The following ULK4 variants were observed in gnomAD, a reference collection of about 807,000 sequenced individuals.
ULK4 encodes the protein inactive serine/threonine-protein kinase ULK4.
Under a neutral mutation model 160.6 loss-of-function variants are expected in ULK4, and 133 were observed. That is an observed-to-expected ratio of 0.83 (90% CI 0.72 to 0.96). The LOEUF (loss-of-function observed/expected upper bound fraction) is 0.96. Ranked by LOEUF, ULK4 falls within the 40% of genes least tolerant of loss-of-function variation. ULK4 has a pLI of 0.00. For synonymous variants in ULK4, 534 were observed against 539.8 expected (o/e 0.99, Z 0.15); for missense variants, 1,580 against 1,499.5 (o/e 1.05, Z -0.89).
chr3:41,455,481 A>T lies in ULK4; in HGVS notation c.3492+16T>A. On this transcript the variant is annotated intron_variant, in intron 34 of 36. Coordinates refer to ENST00000301831, the MANE Select transcript of ULK4 (RefSeq NM_017886.4). ...ACTTCAGTAATGCCCCAAAAGACAT[A>T]CAGGTGAGCTCTTACCAGTGGAATG... is the stretch of plus-strand genomic sequence containing the variant. 1 of 1,609,134 alleles carries T rather than the reference A, an allele frequency of 6.2e-7. No individual in the cohort carries two copies. The highest frequency in any genetic ancestry group is 1.1e-5 in the South Asian group (1 of 90,386).
chr3:41,715,485 G>A lies in ULK4; in HGVS notation c.2539C>T (p.Pro847Ser). ...VQVKQLKLCLPLMPVVLHLVT... is the reference protein window; with the variant it reads ...VQVKQLKLCLSLMPVVLHLVT... The stretch of plus-strand genomic sequence containing the variant: ...AGGTGAAGCACTACAGGCATCAGGG[G>A]GAGACACAACTTCAGCTGTTTCACT... Residue 847 changes from proline to serine, a missense_variant, in exon 24 of 37, where the codon CCC becomes TCC. Coordinates refer to ENST00000301831, the MANE Select transcript of ULK4 (RefSeq NM_017886.4). 6.2e-7 allele frequency: 1 copy of A among 1,614,114 alleles called. No homozygotes were observed. Among genetic ancestry groups the A allele is most frequent in the Non-Finnish European group, 8.5e-7 (1 of 1,180,006 alleles).
chr3:41,594,668 A>G lies in ULK4; in HGVS notation c.3120+21001T>C, dbSNP rs150140702. 3.2e-3 allele frequency among the ~76,000 whole-genome samples: 494 copies of G among 152,338 alleles called. 1 individual carries two copies. Among genetic ancestry groups the G allele is most frequent in the African/African-American group, 0.011 (474 of 41,580 alleles). The stretch of plus-strand genomic sequence containing the variant: ...AGTGGTGCTTTATAGCCCCAGTTAG[A>G]GATTTGGATTTTCAATTGGATGTTA... On this transcript the variant is annotated intron_variant, in intron 31 of 36. Transcript: ENST00000301831.
intron 30 of ULK4, among the ~76,000 whole-genome samples, chr3:41,616,435 G>A (rs917275373): frequency 6.6e-6 from 1 of 152,118 alleles, no homozygotes; most frequent in Non-Finnish European, 1.5e-5. Context: ...ATTTCCAACT[G>A]AGGTACCCAG....
chr3:41,749,328 C>T (rs1373606390), intron 22 of ULK4, among the ~76,000 whole-genome samples: 1 of 151,992 alleles, frequency 6.6e-6, no homozygotes, highest in East Asian at 1.9e-4. Context: ...ACTAAAAATA[C>T]AAAAATTAGT....
At chr3:41,757,629 CAAAAAAAA>C (rs1197436719) in intron 21 of ULK4, among the ~76,000 whole-genome samples, 1 of 63,640 alleles carries the variant, frequency 1.6e-5, no homozygotes, top group South Asian at 5.8e-4. Flanking sequence ...GAGACTCTCT[CAAAAAAAA>C]AAAAAAAAAA....
intron 21 of ULK4, among the ~76,000 whole-genome samples, chr3:41,768,627 T>C (rs2039249050): frequency 6.6e-6 from 1 of 152,218 alleles, no homozygotes; most frequent in South Asian, 2.1e-4. Flanking sequence ...GTCATATGAA[T>C]GAGCCATCTG....
intron 32 of ULK4, among the ~76,000 whole-genome samples, chr3:41,482,277 A>G (rs928045256): frequency 2.0e-5 from 3 of 152,162 alleles, no homozygotes; most frequent in Admixed American, 6.5e-5. Context: ...TTCCCTTGGC[A>G]CTTCAGAAAA....
At chr3:41,566,309 TGAGCTGG>T (rs1251620312) in intron 31 of ULK4, among the ~76,000 whole-genome samples, 179 bp from the exon 32 acceptor site, 1 of 152,186 alleles carries the variant, frequency 6.6e-6, no homozygotes, top group Non-Finnish European at 1.5e-5. Context: ...GTGAGTTAAG[TGAGCTGG>T]GAGGGAGGGT....
chr3:41,931,815 T>C, intron 5 of ULK4, 29 bp downstream of exon 5: 1 of 1,612,272 alleles, frequency 6.2e-7, no homozygotes, highest in Non-Finnish European at 8.5e-7. Flanking sequence ...ACTAGAGTTA[T>C]GATCTTTAAG....
At chr3:41,498,554 T>TA (rs1343605772) in intron 32 of ULK4, among the ~76,000 whole-genome samples, 7 of 148,208 alleles carry the variant, frequency 4.7e-5, no homozygotes, top group Non-Finnish European at 7.4e-5. Context: ...AGACAAACAT[T>TA]AGAGAGCTTC....
chr3:41,423,296 T>G lies in ULK4; in HGVS notation c.3493-25032A>C, dbSNP rs974426649. Among the ~76,000 whole-genome samples, 4 of 152,152 alleles carry G rather than the reference T, an allele frequency of 2.6e-5. No homozygotes were observed. In the South Asian group the frequency reaches 8.3e-4, roughly 31 times the overall value. ...TTCTATATTGCTTGAATTGTTACAA[T>G]GTGCTTATGGTACGTTTTCTAATTC... On this transcript the variant is annotated intron_variant, in intron 34 of 36. Transcript: ENST00000301831.
At chr3:41,905,970 C>T (rs1336531811) in intron 12 of ULK4, among the ~76,000 whole-genome samples, 1 of 152,074 alleles carries the variant, frequency 6.6e-6, no homozygotes, top group African/African-American at 2.4e-5. Flanking sequence ...ATAATCCTAG[C>T]ACTTTGGGAG....
rs751583205 is a variant in ULK4 at position 41,950,873 on chromosome 3, G to A, written c.138+3749C>T. ...TAAAAGACATAAATAGGCTGGGCAC[G>A]GTGGCTCACACCTGTAATCCCAGCA... On this transcript the variant is annotated intron_variant, in intron 2 of 36. Coordinates refer to ENST00000301831, the MANE Select transcript of ULK4 (RefSeq NM_017886.4). Among the ~76,000 whole-genome samples the A allele has an allele frequency of 6.4e-4, 97 of 151,778 alleles. 1 individual carries two copies. Among genetic ancestry groups the A allele is most frequent in the Admixed American group, 5.4e-3 (82 of 15,214 alleles).
chr3:41,673,050 G>C (rs2035589729), intron 29 of ULK4, among the ~76,000 whole-genome samples: 1 of 151,868 alleles, frequency 6.6e-6, no homozygotes, highest in Admixed American at 6.6e-5. Flanking sequence ...ATGTTCCCCA[G>C]GCTGGTCTCA....
chr3:41,397,216 A>G (rs2082081573), intron 35 of ULK4, among the ~76,000 whole-genome samples: 1 of 152,180 alleles, frequency 6.6e-6, no homozygotes, highest in South Asian at 2.1e-4. Flanking sequence ...TACTGTAGAA[A>G]GAGAATAGGT....
In ULK4 at chr3:41,878,416, C is replaced by G. The variant is rs78701562; in HGVS notation, c.1656+5458G>C. 6.6e-3 allele frequency among the ~76,000 whole-genome samples: 999 copies of G among 152,198 alleles called. 9 individuals carry two copies. Among genetic ancestry groups the G allele is most frequent in the African/African-American group, 0.023 (965 of 41,534 alleles). ...AAGTTCTTAACAATATAAAATCAAT[C>G]TCACTAGACACGGAGATTTCTCAGG... On this transcript the variant is annotated intron_variant, in intron 17 of 36. Coordinates refer to ENST00000301831, the MANE Select transcript of ULK4 (RefSeq NM_017886.4).
chr3:41,303,568 A>T (rs1350213560), intron 35 of ULK4, among the ~76,000 whole-genome samples: 4 of 152,172 alleles, frequency 2.6e-5, no homozygotes, highest in African/African-American at 9.7e-5. Flanking sequence ...TCAACTTTTG[A>T]TTATTCACAA....
chr3:41,894,563 C>T (rs1698086912), intron 16 of ULK4, among the ~76,000 whole-genome samples: 2 of 152,140 alleles, frequency 1.3e-5, no homozygotes, highest in Admixed American at 1.3e-4. Flanking sequence ...CTTCTACAAC[C>T]CCAACCCCAT....
chr3:41,254,050 G>A (rs2078787231), intron 35 of ULK4, among the ~76,000 whole-genome samples: 1 of 152,166 alleles, frequency 6.6e-6, no homozygotes, highest in African/African-American at 2.4e-5. Flanking sequence ...ATCGTAGTTG[G>A]AGATTTCAAA....
Sources: gnomAD v4.1 joint callset for allele counts (sites outside exome capture counted in the v4.1 genomes callset) on GRCh38, gnomAD v4.1.1 for gene constraint, MANE v1.5 for transcripts, NCBI Gene and HGNC (gene_info 2026-07-23, HGNC 2026-07-21) for gene names.